DYRK4: variants seen among roughly 807,000 people sequenced by gnomAD.
DYRK4 encodes the protein dual specificity tyrosine phosphorylation regulated kinase 4, also known as dual specificity tyrosine-phosphorylation-regulated kinase 4.
In DYRK4, 64 loss-of-function variants were observed where a neutral mutation model predicts 68.3. The ratio of observed to expected loss-of-function variants is 0.94; its 90% CI spans 0.77 to 1.15. The LOEUF (loss-of-function observed/expected upper bound fraction) is 1.15, where lower values mean the gene tolerates loss of function less well. Among genes scored for constraint, DYRK4 ranks in the 50% most tolerant of loss-of-function variants. DYRK4 has a pLI of 0.00. For synonymous variants in DYRK4, 274 were observed against 289.9 expected, an observed-to-expected ratio of 0.95 and a Z score of 0.56; for missense variants, 740 against 764.7, an observed-to-expected ratio of 0.97 and a Z score of 0.38.
intron 2 of DYRK4, among the ~76,000 whole-genome samples, chr12:4,581,542 A>T (rs1315283649): frequency 6.6e-6 from 1 of 152,212 alleles, no homozygotes; most frequent in Non-Finnish European, 1.5e-5. Context: ...CTTCCAAAAG[A>T]AGGGCCGGGG....
chr12:4,598,059 C>CT (rs1205242583), intron 8 of DYRK4, among the ~76,000 whole-genome samples: 3 of 152,126 alleles, frequency 2.0e-5, no homozygotes, highest in South Asian at 2.1e-4. Flanking sequence ...GAGCAAGACT[C>CT]TGTCTCAAAC....
At chr12:4,588,241 C>T (rs1944917224) in intron 2 of DYRK4, among the ~76,000 whole-genome samples, 1 of 151,752 alleles carries the variant, frequency 6.6e-6, no homozygotes, top group African/African-American at 2.4e-5. Context: ...TTTTTTTTAA[C>T]TTAAATTTTA....
At chr12:4,590,036 C>G (rs1398001150) in intron 3 of DYRK4, 2 of 755,816 alleles carry the variant, frequency 2.6e-6, no homozygotes, top group African/African-American at 1.9e-5. Flanking sequence ...CATTTTTGTT[C>G]CCATGGTAGT....
At chr12:4,582,105 T>C (rs1354274075) in intron 2 of DYRK4, among the ~76,000 whole-genome samples, 3 of 152,210 alleles carry the variant, frequency 2.0e-5, no homozygotes, top group Non-Finnish European at 4.4e-5. Flanking sequence ...GCTCTATCTG[T>C]AATGCTTATC....
chr12:4,610,289 G>A lies in DYRK4; in HGVS notation c.1490+5G>A, dbSNP rs1267497504. The A allele has an allele frequency of 1.3e-6, 2 of 1,542,524 alleles. No homozygotes were observed. Among genetic ancestry groups the A allele is most frequent in the Non-Finnish European group, 1.7e-6 (2 of 1,150,148 alleles). On this transcript the variant is annotated splice_donor_5th_base_variant and intron_variant, in intron 13 of 14. Coordinates refer to ENST00000543431, the MANE Select transcript of DYRK4 (RefSeq NM_001394779.1). The stretch of plus-strand genomic sequence containing the variant: ...CTTTCTCAGAAGGTGTTTGGTGTGA[G>A]TTTGTTGGGACATCTCTGCTTCTGG...
chr12:4,577,426 C>T (rs1444145328), intron 2 of DYRK4, among the ~76,000 whole-genome samples: 2 of 152,134 alleles, frequency 1.3e-5, no homozygotes, highest in Non-Finnish European at 2.9e-5. Flanking sequence ...GCTCCTTTGT[C>T]AATGATCAGT....
chr12:4,596,905 C>T, intron 8 of DYRK4, 176 bp downstream of exon 8: 2 of 1,449,662 alleles, frequency 1.4e-6, no homozygotes, highest in Non-Finnish European at 1.8e-6. Flanking sequence ...GAAAGCAGGC[C>T]ATCTTGGTAT....
At chr12:4,579,778 T>G (rs1944823210) in intron 2 of DYRK4, among the ~76,000 whole-genome samples, 1 of 152,242 alleles carries the variant, frequency 6.6e-6, no homozygotes, top group South Asian at 2.1e-4. Flanking sequence ...TATTGTCAGC[T>G]GAATTCAGGC....
chr12:4,597,735 T>C (rs10774245), intron 8 of DYRK4, among the ~76,000 whole-genome samples: 88,440 of 151,976 alleles, frequency 0.58, 27,415 homozygotes, highest in African/African-American at 0.79. Flanking sequence ...ACATCTCCAT[T>C]GCAGCCCTCA....
At chr12:4,598,922 C>T in intron 8 of DYRK4, 106 bp from the exon 9 acceptor site, 1 of 1,327,088 alleles carries the variant, frequency 7.5e-7, no homozygotes, top group Non-Finnish European at 1.1e-6. Flanking sequence ...CTGAGGCTTG[C>T]CTGCTACTAG....
chr12:4,608,696 T>C (rs1464178772), intron 12 of DYRK4, among the ~76,000 whole-genome samples: 1 of 152,166 alleles, frequency 6.6e-6, no homozygotes, highest in East Asian at 1.9e-4. Flanking sequence ...CCTACTCCAG[T>C]GCCAGGGCTG....
At chr12:4,575,507 C>T (rs1372215244) in intron 2 of DYRK4, among the ~76,000 whole-genome samples, 2 of 152,026 alleles carry the variant, frequency 1.3e-5, no homozygotes, top group Non-Finnish European at 2.9e-5. Flanking sequence ...GACGGGGTTT[C>T]ACTATGTTGG....
chr12:4,612,813 G>C (rs757947126), intron 14 of DYRK4, 95 bp downstream of exon 14: 2 of 1,329,526 alleles, frequency 1.5e-6, no homozygotes, highest in Admixed American at 3.7e-5. Context: ...TGAAGCCCCA[G>C]TTCTGTAGTC....
chr12:4,593,833 A>G (rs1038304775), intron 6 of DYRK4, among the ~76,000 whole-genome samples: 1 of 152,230 alleles, frequency 6.6e-6, no homozygotes, highest in Non-Finnish European at 1.5e-5. Context: ...GGAACATTTC[A>G]TTGCAACTTG....
intron 1 of DYRK4, chr12:4,562,988 C>T (rs2137310976): frequency 2.3e-6 from 1 of 443,978 alleles, no homozygotes; most frequent in South Asian, 1.6e-5. Flanking sequence ...TTAGGAAAAC[C>T]GTGACCCCTC....
chr12:4,594,703 A>G (rs1175700180), intron 6 of DYRK4, among the ~76,000 whole-genome samples: 2 of 124,170 alleles, frequency 1.6e-5, no homozygotes, highest in Non-Finnish European at 3.3e-5. Context: ...CAAATCTTAG[A>G]AAAGCCTTTT....
In DYRK4 at chr12:4,590,310, T is replaced by C; in HGVS notation, c.214-20T>C. 2 of 1,526,816 alleles carry C rather than the reference T, an allele frequency of 1.3e-6. No homozygotes were observed. The highest frequency in any genetic ancestry group is 1.7e-6 in the Non-Finnish European group (2 of 1,143,270). The allele number at this position is 1,526,816 out of a possible 1,614,324, so 94.6% of individuals were successfully genotyped here. ...TCTTGCCTAAGGCTTTTGTAACACA[T>C]GCAATTTCTCCTTCTACAGAACACC... On this transcript the variant is annotated intron_variant, in intron 3 of 14. Transcript: ENST00000543431.
Position 4,573,260 on chromosome 12 carries a change from A to G in DYRK4, c.132+5212A>G, listed in dbSNP as rs1038867816. On this transcript the variant is annotated intron_variant, in intron 2 of 14. Coordinates refer to ENST00000543431, the MANE Select transcript of DYRK4 (RefSeq NM_001394779.1). ...GAAGATAGGCATTTACTTCTATATA[A>G]TGTCTACATTTGGAATGGATTTGGG... is the stretch of plus-strand genomic sequence containing the variant. The G allele has an allele frequency of 8.9e-6, 11 of 1,240,126 alleles. No homozygotes were observed. In the African/African-American group the frequency reaches 1.7e-4, roughly 19 times the overall value. 76.8% of individuals were successfully genotyped at this position (1,240,126 alleles called of 1,614,324 possible). A position where few individuals can be genotyped will look rare whatever the true frequency, so the allele number is the denominator to read the frequency against.
chr12:4,605,153 A>G, intron 11 of DYRK4, 67 bp downstream of exon 11: 2 of 1,451,302 alleles, frequency 1.4e-6, no homozygotes, highest in Non-Finnish European at 1.9e-6. Flanking sequence ...ACGGGGCTGC[A>G]CCAGACTCGC....
Sources: gnomAD v4.1 joint callset for allele counts (sites outside exome capture counted in the v4.1 genomes callset) on GRCh38, gnomAD v4.1.1 for gene constraint, MANE v1.5 for transcripts, NCBI Gene and HGNC (gene_info 2026-07-23, HGNC 2026-07-21) for gene names.